The following EIF2B3 variants were observed in gnomAD, a reference collection of about 807,000 sequenced individuals.
EIF2B3 encodes the protein eukaryotic translation initiation factor 2B subunit gamma, also known as translation initiation factor eIF2B subunit gamma.
A neutral mutation model predicts 54.1 loss-of-function variants in EIF2B3; 20 were observed. The observed-to-expected ratio is 0.37, with a 90% CI of 0.26 to 0.54. The LOEUF (loss-of-function observed/expected upper bound fraction) is 0.54. Among genes scored for constraint, EIF2B3 ranks in the 20% least tolerant of loss-of-function variants. The probability of loss-of-function intolerance (pLI) is 0.86; values close to 1 mark genes in which losing one functional copy is unlikely to be tolerated. For synonymous variants in EIF2B3, 153 were observed against 188.1 expected (o/e 0.81, Z 1.52); for missense variants, 448 against 547.8 (o/e 0.82, Z 1.82).
At chr1:44,876,958 G>T (rs957104438) in intron 8 of EIF2B3, among the ~76,000 whole-genome samples, 1 of 145,728 alleles carries the variant, frequency 6.9e-6, no homozygotes, top group South Asian at 2.2e-4. Context: ...GATTAAGGGC[G>T]GTGCAAGATG....
At chr1:44,875,045 CAAAAT>C in intron 9 of EIF2B3, among the ~76,000 whole-genome samples, 1 of 152,222 alleles carries the variant, frequency 6.6e-6, no homozygotes, top group African/African-American at 2.4e-5. Flanking sequence ...GCCAAGAAAA[CAAAAT>C]AAAACAACAG....
chr1:44,893,706 C>G (rs562460538), intron 6 of EIF2B3, among the ~76,000 whole-genome samples: 1 of 152,246 alleles, frequency 6.6e-6, no homozygotes, highest in African/African-American at 2.4e-5. Flanking sequence ...ACTGTAAGTA[C>G]TGCATGGCAA....
intron 6 of EIF2B3, among the ~76,000 whole-genome samples, chr1:44,886,136 G>A (rs1485670019): frequency 1.3e-5 from 2 of 150,484 alleles, no homozygotes; most frequent in Non-Finnish European, 3.0e-5. Flanking sequence ...CTGGAATGCA[G>A]TGGCACGGTC....
At chr1:44,956,332 G>A (rs1175913535) in intron 3 of EIF2B3, among the ~76,000 whole-genome samples, 1 of 152,092 alleles carries the variant, frequency 6.6e-6, no homozygotes, top group Non-Finnish European at 1.5e-5. Flanking sequence ...CGTGGACATA[G>A]GGAGAGGAAC....
chr1:44,973,869 T>C (rs762869549), intron 3 of EIF2B3, among the ~76,000 whole-genome samples: 2 of 152,140 alleles, frequency 1.3e-5, no homozygotes, highest in African/African-American at 2.4e-5. Context: ...ATGAAGGTTA[T>C]AGAGATGGAG....
chr1:44,966,583 A>C (rs920407770), intron 3 of EIF2B3, among the ~76,000 whole-genome samples: 24 of 152,268 alleles, frequency 1.6e-4, no homozygotes, highest in African/African-American at 5.5e-4. Context: ...GGAACAGTGG[A>C]GGAAGATCTT....
At chr1:44,857,625 C>G (rs1251822552) in intron 11 of EIF2B3, 79 bp downstream of exon 11, 1 of 1,380,898 alleles carries the variant, frequency 7.2e-7, no homozygotes, top group South Asian at 1.2e-5. Context: ...GCTTGTTTCC[C>G]ACATCCTCAC....
intron 3 of EIF2B3, among the ~76,000 whole-genome samples, chr1:44,965,460 G>A (rs1055717651): frequency 3.3e-5 from 5 of 150,920 alleles, no homozygotes; most frequent in Non-Finnish European, 7.4e-5. Context: ...AGAACTAAAC[G>A]TGTTCTAAAG....
At chr1:44,974,961 T>C (rs1326732147) in intron 3 of EIF2B3, among the ~76,000 whole-genome samples, 3 of 151,770 alleles carry the variant, frequency 2.0e-5, no homozygotes, top group African/African-American at 7.2e-5. Context: ...ATGCCTGTTA[T>C]CCCAGCACTT....
chr1:44,851,196 C>T (rs987052844), intron 11 of EIF2B3, among the ~76,000 whole-genome samples, 193 bp from the exon 12 acceptor site: 7 of 152,036 alleles, frequency 4.6e-5, no homozygotes, highest in African/African-American at 1.7e-4. Context: ...TCCTGAGTAG[C>T]TGGGATTACA....
At chr1:44,906,036 A>G (rs964014441) in intron 5 of EIF2B3, among the ~76,000 whole-genome samples, 2 of 152,164 alleles carry the variant, frequency 1.3e-5, no homozygotes, top group African/African-American at 4.8e-5. Context: ...AGAAGCTTCT[A>G]CTCAAAGATA....
intron 11 of EIF2B3, among the ~76,000 whole-genome samples, chr1:44,853,285 C>A (rs1654335637): frequency 6.6e-6 from 1 of 151,854 alleles, no homozygotes. Context: ...CATGGTGATT[C>A]AGTAAGTTGG....
intron 8 of EIF2B3, among the ~76,000 whole-genome samples, chr1:44,877,575 T>C (rs1655237508): frequency 1.3e-5 from 2 of 152,084 alleles, no homozygotes; most frequent in South Asian, 4.1e-4. Context: ...GAGGTGAGGA[T>C]GAGATCCATT....
chr1:44,905,295 A>G (rs1017345373), intron 5 of EIF2B3, among the ~76,000 whole-genome samples: 1 of 152,242 alleles, frequency 6.6e-6, no homozygotes, highest in African/African-American at 2.4e-5. Flanking sequence ...AGAGACTGCC[A>G]ACAGTGGAAG....
At chr1:44,897,475 A>G (rs1656011637) in intron 5 of EIF2B3, 31 bp from the exon 6 acceptor site, 7 of 1,525,368 alleles carry the variant, frequency 4.6e-6, no homozygotes, top group Non-Finnish European at 6.3e-6. Flanking sequence ...AAAGAAAGAA[A>G]GAAGAGGCTC....
At chr1:44,887,071 C>CA (rs1467777732) in intron 6 of EIF2B3, among the ~76,000 whole-genome samples, 1 of 152,178 alleles carries the variant, frequency 6.6e-6, no homozygotes, top group East Asian at 1.9e-4. Flanking sequence ...AGCTCTCTCT[C>CA]AGATTTCAGA....
At chr1:44,922,912 C>G (rs1335376403) in intron 5 of EIF2B3, among the ~76,000 whole-genome samples, 1 of 126,258 alleles carries the variant, frequency 7.9e-6, no homozygotes, top group African/African-American at 3.0e-5. Context: ...GCGGCACCAT[C>G]TCGGCTCGCT....
At chr1:44,928,152 A>C (rs1207855838) in intron 4 of EIF2B3, among the ~76,000 whole-genome samples, 3 of 152,118 alleles carry the variant, frequency 2.0e-5, no homozygotes, top group African/African-American at 7.2e-5. Flanking sequence ...ACCTTCTCTC[A>C]GAAATAAATA....
chr1:44,948,954 G>GC lies in EIF2B3; in HGVS notation c.295-7290dup, dbSNP rs528748594. Among the ~76,000 whole-genome samples the GC allele has an allele frequency of 4.1e-4, 62 of 151,874 alleles. No individual in the cohort carries two copies. In the South Asian group the frequency reaches 0.011, roughly 28 times the overall value. On this transcript the variant is annotated intron_variant, in intron 3 of 11. Transcript: ENST00000360403. Reference sequence around the variant, plus strand: ...ACGATCACGGCTCACTGCAACCTCCGCCCCCCGAGGTTCAAGCAATTCTTG... The same window carrying GC: ...ACGATCACGGCTCACTGCAACCTCCGCCCCCCCGAGGTTCAAGCAATTCTTG...
Sources: gnomAD v4.1 joint callset for allele counts (sites outside exome capture counted in the v4.1 genomes callset) on GRCh38, gnomAD v4.1.1 for gene constraint, MANE v1.5 for transcripts, NCBI Gene and HGNC (gene_info 2026-07-23, HGNC 2026-07-21) for gene names.